Variants in DCAF8L2 observed in about 807,000 individuals in gnomAD.
DCAF8L2 encodes DDB1- and CUL4-associated factor 8-like protein 2.
For synonymous variants in DCAF8L2, 200 were observed against 190.9 expected (o/e 1.05, Z -0.39); for missense variants, 430 against 490.7 (o/e 0.88, Z 1.17).
At chrX:27,519,644 A>G in the DCAF8L2 span, 1 of 617,733 alleles carries the variant, frequency 1.6e-6, no homozygotes, top group Non-Finnish European at 2.8e-6. Flanking sequence ...GAATTATCAA[A>G]TGAAGGGGTA....
chrX:27,583,555 G>A, the DCAF8L2 span, among the ~76,000 whole-genome samples: 1 of 111,060 alleles, frequency 9.0e-6, no homozygotes, highest in Non-Finnish European at 1.9e-5. Context: ...GGGTCCCTAA[G>A]CCCCGGGCCA....
chrX:27,515,877 T>C, the DCAF8L2 span, among the ~76,000 whole-genome samples: 1 of 112,146 alleles, frequency 8.9e-6, no homozygotes, highest in East Asian at 2.8e-4. Context: ...TTCTGAAGCA[T>C]GTGCACAACT....
chrX:27,540,157 T>C, the DCAF8L2 span, among the ~76,000 whole-genome samples: 1 of 111,742 alleles, frequency 8.9e-6, no homozygotes, highest in African/African-American at 3.3e-5. Context: ...CCATCCTTTT[T>C]ACTGCTGCCT....
the DCAF8L2 span, among the ~76,000 whole-genome samples, chrX:27,475,905 T>C: frequency 9.0e-6 from 1 of 111,577 alleles, no homozygotes; most frequent in African/African-American, 3.3e-5. Flanking sequence ...TGCTGGTGAC[T>C]CATTGGTGAA....
At chrX:27,641,017 C>T (rs1928696426) in intron 2 of DCAF8L2, among the ~76,000 whole-genome samples, 1 of 111,692 alleles carries the variant, frequency 9.0e-6, no homozygotes, top group South Asian at 3.7e-4. Context: ...TTTCCATTTT[C>T]CCTGCCTTTG....
At chrX:27,555,747 G>A in the DCAF8L2 span, among the ~76,000 whole-genome samples, 2 of 111,795 alleles carry the variant, frequency 1.8e-5, no homozygotes, top group Admixed American at 1.9e-4. Flanking sequence ...GATTCCAGCT[G>A]CTGTGCTGTT....
chrX:27,629,201 T>G (rs1928182208), intron 1 of DCAF8L2, among the ~76,000 whole-genome samples: 1 of 111,410 alleles, frequency 9.0e-6, no homozygotes, highest in Non-Finnish European at 1.9e-5. Context: ...GTGCAGAAGC[T>G]TTTTAGATTG....
At chrX:27,617,447 C>T (rs1316404823) in intron 1 of DCAF8L2, among the ~76,000 whole-genome samples, 1 of 110,542 alleles carries the variant, frequency 9.0e-6, no homozygotes, top group Non-Finnish European at 1.9e-5. Flanking sequence ...ATGTCTTAAA[C>T]ATTATCCTTC....
chrX:27,673,176 A>C (rs5971430), intron 2 of DCAF8L2, among the ~76,000 whole-genome samples: 14,728 of 110,143 alleles, frequency 0.13, 1,144 homozygotes, highest in East Asian at 0.38. Flanking sequence ...TATTTTCTGA[A>C]AACTTCTAAT....
intron 1 of DCAF8L2, among the ~76,000 whole-genome samples, chrX:27,602,499 A>C (rs1926695584): frequency 8.9e-6 from 1 of 111,762 alleles, no homozygotes; most frequent in South Asian, 3.7e-4. Context: ...CTGGCATCAA[A>C]ATTCATCATC....
chrX:27,514,709 C>CT, the DCAF8L2 span, among the ~76,000 whole-genome samples: 2 of 52,806 alleles, frequency 3.8e-5, 1 homozygote, highest in Non-Finnish European at 7.1e-5. Context: ...AAAAAAAAAA[C>CT]AGAGTGAAAT....
At chrX:27,700,999 G>T (rs750172358) in intron 3 of DCAF8L2, among the ~76,000 whole-genome samples, 5 of 110,760 alleles carry the variant, frequency 4.5e-5, no homozygotes, top group Non-Finnish European at 9.5e-5. Context: ...TCATGAGGAA[G>T]AATTTAAAAG....
chrX:27,529,417 G>T, the DCAF8L2 span, among the ~76,000 whole-genome samples: 1 of 111,417 alleles, frequency 9.0e-6, no homozygotes, highest in South Asian at 3.7e-4. Context: ...ATAAAAATTA[G>T]ATCAGGTACC....
chrX:27,477,429 A>G, the DCAF8L2 span, among the ~76,000 whole-genome samples: 1 of 110,528 alleles, frequency 9.0e-6, no homozygotes, highest in Non-Finnish European at 1.9e-5. Context: ...CTGGGACTAC[A>G]GGCGCCCACC....
chrX:27,533,212 AAGAAAGAAAGAAAGAAAGAAAG>A, the DCAF8L2 span, among the ~76,000 whole-genome samples: 1,764 of 51,988 alleles, frequency 0.034, 261 homozygotes, highest in East Asian at 0.081. Flanking sequence ...GAAAGAAAGA[AAGAAAGAAAGAAAGAAAGAAAG>A]AGAAAGAAAG....
chrX:27,564,552 AC>A, the DCAF8L2 span, among the ~76,000 whole-genome samples: 1 of 110,768 alleles, frequency 9.0e-6, no homozygotes. Flanking sequence ...ACACACACAC[AC>A]ACACAGAACG....
the DCAF8L2 span, among the ~76,000 whole-genome samples, chrX:27,533,164 G>GAGAAAGAAAGAAAGAAAGAA: frequency 1.1e-3 from 19 of 17,347 alleles, no homozygotes; most frequent in Admixed American, 1.9e-3. Flanking sequence ...GAGAGAGAGA[G>GAGAAAGAAAGAAAGAAAGAA]AGAAAGAAAG....
At chrX:27,536,280 A>C in the DCAF8L2 span, among the ~76,000 whole-genome samples, 7 of 112,985 alleles carry the variant, frequency 6.2e-5, no homozygotes, top group African/African-American at 2.2e-4. Flanking sequence ...ATGTACTTCA[A>C]GCTTGGCCCT....
the DCAF8L2 span, among the ~76,000 whole-genome samples, chrX:27,553,033 G>C: frequency 1.8e-5 from 2 of 111,252 alleles, no homozygotes; most frequent in African/African-American, 3.3e-5. Flanking sequence ...TGTAGTTATT[G>C]TAAATGGGAT....
Sources: gnomAD v4.1 joint callset for allele counts (sites outside exome capture counted in the v4.1 genomes callset) on GRCh38, gnomAD v4.1.1 for gene constraint, MANE v1.5 for transcripts, NCBI Gene and HGNC (gene_info 2026-07-23, HGNC 2026-07-21) for gene names.